EFNB1: variants seen among roughly 807,000 people sequenced by gnomAD.
EFNB1 encodes the protein ephrin B1.
In EFNB1, 1 loss-of-function variant was observed where a neutral mutation model predicts 18.1. The observed-to-expected ratio is 0.06, with a 90% CI of 0.02 to 0.26. The LOEUF is 0.26. EFNB1 is among the 10% of genes least tolerant of loss of function. The pLI is 1.00. For synonymous variants in EFNB1, 131 were observed against 127.5 expected, an observed-to-expected ratio of 1.03 and a Z score of -0.19; for missense variants, 221 against 301.8, an observed-to-expected ratio of 0.73 and a Z score of 1.98.
chrX:68,840,416 G>A lies in EFNB1; in HGVS notation c.803G>A (p.Arg268Gln), dbSNP rs747763749. The A allele has an allele frequency of 1.1e-5, 13 of 1,210,564 alleles. No homozygotes were observed. Among genetic ancestry groups the A allele is most frequent in the South Asian group, 7.0e-5 (4 of 56,854 alleles). Reference sequence around the variant, plus strand: ...GTCCTACTACTGAAGCTACGCAAGCGGCACCGCAAGCACACACAGCAGCGG... The same window carrying A: ...GTCCTACTACTGAAGCTACGCAAGCAGCACCGCAAGCACACACAGCAGCGG... ...LTVLLLKLRK[R>Q]HRKHTQQRAA... is the part of the protein sequence containing the mutation. Residue 268 changes from arginine (R) to glutamine (Q), a missense_variant, in exon 5 of 5, where the codon CGG becomes CAG. Arg to Gln is a conservative substitution (Grantham distance 43, BLOSUM62 1). Transcript: ENST00000204961.
chrX:68,829,593 T>C lies in EFNB1; in HGVS notation c.-184T>C. ...GGGTTGGGGGCGGCTGCCCAGTGAG[T>C]CCTCCTGGCCGGCCGGGCGGAGAAG... On this transcript the variant is annotated 5_prime_UTR_variant, in exon 1 of 5. Transcript: ENST00000204961. The C allele has an allele frequency of 1.3e-6, 1 of 764,906 alleles. No homozygotes were observed. Among genetic ancestry groups the C allele is most frequent in the Non-Finnish European group, 1.9e-6 (1 of 535,662 alleles). The allele number at this position is 764,906 out of a possible 1,213,427, so 63.0% of individuals were successfully genotyped here.
rs1482567933 is a variant in EFNB1, at chrX:68,829,321, G to A, written c.-456G>A. ...GCCCAGTCGGGAGCCCGGGGACCGA[G>A]CTTGTGCTGTGGGGAAACCCCCACT... On this transcript the variant is annotated 5_prime_UTR_variant, in exon 1 of 5. Coordinates refer to ENST00000204961, the MANE Select transcript of EFNB1 (RefSeq NM_004429.5). 1 of 180,208 alleles carries A rather than the reference G, an allele frequency of 5.5e-6. No individual in the cohort carries two copies. The highest frequency in any genetic ancestry group is 3.2e-5 in the African/African-American group (1 of 31,608). The allele number at this position is 180,208 out of a possible 1,213,427, so 14.9% of individuals were successfully genotyped here. A position where few individuals can be genotyped will look rare whatever the true frequency, so the allele number is the denominator to read the frequency against.
chrX:68,834,512 G>A (rs941897821), intron 1 of EFNB1, among the ~76,000 whole-genome samples: 7 of 113,226 alleles, frequency 6.2e-5, no homozygotes, highest in East Asian at 2.8e-4. Context: ...GCCCACCCAC[G>A]CCTGGGCGGG....
At chrX:68,834,573 G>A (rs1479990927) in intron 1 of EFNB1, among the ~76,000 whole-genome samples, 1 of 113,218 alleles carries the variant, frequency 8.8e-6, no homozygotes, top group Non-Finnish European at 1.9e-5. Context: ...GGGCTGGGTG[G>A]AGCTGGGGGA....
At chrX:68,838,525 G>A in intron 1 of EFNB1, 92 bp from the exon 2 acceptor site, 1 of 1,087,396 alleles carries the variant, frequency 9.2e-7, no homozygotes, top group Admixed American at 2.3e-5. Flanking sequence ...CACCCAGTAG[G>A]CCCAGCCCGG....
At chrX:68,832,113 C>T (rs1218930392) in intron 1 of EFNB1, among the ~76,000 whole-genome samples, 2 of 110,498 alleles carry the variant, frequency 1.8e-5, no homozygotes, top group Admixed American at 9.6e-5. Context: ...GCTGCTTCTG[C>T]CACCGCGCCC....
chrX:68,840,579 G>A lies in EFNB1; in HGVS notation c.966G>A (p.Gly322=). ...GCCCCCACTATGAGAAGGTGAGTGG[G>A]GACTACGGGCACCCTGTCTACATCG... ...NYCPHYEKVS[G]DYGHPVYIVQ... The change falls in exon 5 of 5, where the codon GGG becomes GGA. Residue 322 remains glycine, a synonymous_variant. Coordinates refer to ENST00000204961, the MANE Select transcript of EFNB1 (RefSeq NM_004429.5). 1 of 1,211,082 alleles carries A rather than the reference G, an allele frequency of 8.3e-7. No individual in the cohort carries two copies. Among genetic ancestry groups the A allele is most frequent in the Non-Finnish European group, 1.1e-6 (1 of 895,223 alleles).
intron 1 of EFNB1, among the ~76,000 whole-genome samples, chrX:68,832,032 G>A (rs752896624): frequency 7.4e-4 from 82 of 111,075 alleles, no homozygotes; most frequent in African/African-American, 2.6e-3. Flanking sequence ...GTCTACATGT[G>A]TTGGCTCGGG....
intron 1 of EFNB1, among the ~76,000 whole-genome samples, chrX:68,833,157 C>T (rs901724026): frequency 1.3e-4 from 15 of 111,561 alleles, no homozygotes; most frequent in Middle Eastern, 4.6e-3. Context: ...CCAACCCATG[C>T]TTGCCTGCTC....
At position 68,840,896 on chromosome X, in the gene EFNB1, G is replaced by C; in HGVS notation, c.*242G>C. 2.4e-6 allele frequency: 1 copy of C among 424,197 alleles called. No individual in the cohort carries two copies. Among genetic ancestry groups the C allele is most frequent in the East Asian group, 3.9e-5 (1 of 25,940 alleles). The allele number at this position is 424,197 out of a possible 1,213,427, so 35.0% of individuals were successfully genotyped here. A position where few individuals can be genotyped will look rare whatever the true frequency, so the allele number is the denominator to read the frequency against. On this transcript the variant is annotated 3_prime_UTR_variant, in exon 5 of 5. Transcript: ENST00000204961. ...CCAGGCCTCTGGGCTCCGTGGGGGC[G>C]CCCCTTCTTGGAAGGCAGGGCTGGA... is the stretch of plus-strand genomic sequence containing the variant.
chrX:68,839,869 T>C, intron 3 of EFNB1, 91 bp from the exon 4 acceptor site: 1 of 1,191,396 alleles, frequency 8.4e-7, no homozygotes, highest in Non-Finnish European at 1.1e-6. Flanking sequence ...AGGGTTACAG[T>C]ATCCAGGCCA....
intron 2 of EFNB1, among the ~76,000 whole-genome samples, chrX:68,839,157 C>G (rs776312895): frequency 1.1e-4 from 12 of 112,321 alleles, no homozygotes; most frequent in East Asian, 5.6e-4. Context: ...ATTTTCTTTG[C>G]CCACCTAAGT....
chrX:68,840,826 T>C lies in EFNB1; in HGVS notation c.*172T>C, dbSNP rs898624832. ...CTGCCCCCTGGGCTTCGGAGGGGGG[T>C]GCTTGTGCCCCTAACCCCCATGCTC... On this transcript the variant is annotated 3_prime_UTR_variant, in exon 5 of 5. Coordinates refer to ENST00000204961, the MANE Select transcript of EFNB1 (RefSeq NM_004429.5). 1 of 553,236 alleles carries C rather than the reference T, an allele frequency of 1.8e-6. No homozygotes were observed. Among genetic ancestry groups the C allele is most frequent in the African/African-American group, 2.4e-5 (1 of 42,537 alleles). 45.6% of individuals were successfully genotyped at this position (553,236 alleles called of 1,213,427 possible). A position where few individuals can be genotyped will look rare whatever the true frequency, so the allele number is the denominator to read the frequency against.
At chrX:68,840,171 G>A in intron 4 of EFNB1, 71 bp from the exon 5 acceptor site, 2 of 1,210,026 alleles carry the variant, frequency 1.7e-6, no homozygotes, top group African/African-American at 3.5e-5. Context: ...TGCAAGCTGG[G>A]CCTGGCCTGA....
chrX:68,838,172 TGCGCGC>T (rs773925031), intron 1 of EFNB1, among the ~76,000 whole-genome samples: 6,721 of 31,602 alleles, frequency 0.21, 247 homozygotes, highest in Middle Eastern at 0.33. Context: ...TGTGTGTGTG[TGCGCGC>T]GCGCGCGCGC....
intron 3 of EFNB1, 87 bp downstream of exon 3, chrX:68,839,843 G>T: frequency 8.5e-7 from 1 of 1,178,750 alleles, no homozygotes; most frequent in Non-Finnish European, 1.1e-6. Flanking sequence ...TGTATTAGGA[G>T]TGGGGGAGCA....
In EFNB1 at chrX:68,830,139, C is replaced by G. The variant is rs421069; in HGVS notation, c.128+235C>G. On this transcript the variant is annotated intron_variant, in intron 1 of 4. Coordinates refer to ENST00000204961, the MANE Select transcript of EFNB1 (RefSeq NM_004429.5). ...GGGCTTCCCACCCCCTGCCTCTGCA[C>G]GTCTTGGATGAAGTCGAGGTGGTCG... Among the ~76,000 whole-genome samples the G allele has an allele frequency of 0.3, 33,516 of 110,595 alleles. 3,972 individuals carry two copies. The highest frequency in any genetic ancestry group is 0.37 in the Non-Finnish European group (19,560 of 52,551).
At chrX:68,831,003 A>G (rs1019753572) in intron 1 of EFNB1, among the ~76,000 whole-genome samples, 7 of 110,764 alleles carry the variant, frequency 6.3e-5, no homozygotes, top group Non-Finnish European at 1.1e-4. Flanking sequence ...GGCATCCAGG[A>G]CTCAGGTTGG....
Position 68,839,665 on chromosome X carries a change from A to G in EFNB1, c.408A>G (p.Ser136=). 8.3e-7 allele frequency: 1 copy of G among 1,209,610 alleles called. No individual in the cohort carries two copies. Among genetic ancestry groups the G allele is most frequent in the Non-Finnish European group, 1.1e-6 (1 of 894,834 alleles). ...FKKHHDYYIT[S]TSNGSLEGLE... The stretch of plus-strand genomic sequence containing the variant: ...GACTTCTCTGGCCTCTTCCTGCAGC[A>G]ACATCCAATGGAAGCCTGGAGGGGC... The change falls in exon 3 of 5, where the codon TCA becomes TCG. Residue 136 remains serine (S), a splice_region_variant and synonymous_variant. Coordinates refer to ENST00000204961, the MANE Select transcript of EFNB1 (RefSeq NM_004429.5).
Sources: gnomAD v4.1 joint callset for allele counts (sites outside exome capture counted in the v4.1 genomes callset) on GRCh38, gnomAD v4.1.1 for gene constraint, MANE v1.5 for transcripts, NCBI Gene and HGNC (gene_info 2026-07-23, HGNC 2026-07-21) for gene names.